Variants in RBM39 observed in about 807,000 individuals in gnomAD.
RBM39 encodes the protein RNA binding motif protein 39.
In RBM39, 12 loss-of-function variants were observed where a neutral mutation model predicts 79.6. The ratio of observed to expected loss-of-function variants is 0.15; its 90% CI spans 0.10 to 0.24. The LOEUF (loss-of-function observed/expected upper bound fraction) is 0.24. Among genes scored for constraint, RBM39 ranks in the 10% least tolerant of loss-of-function variants. RBM39 has a pLI of 1.00. For synonymous variants in RBM39, 185 were observed against 208.4 expected, an observed-to-expected ratio of 0.89 and a Z score of 0.97; for missense variants, 243 against 653.4, an observed-to-expected ratio of 0.37 and a Z score of 6.85.
At chr20:35,740,422 A>G in intron 2 of RBM39, 1 of 601,946 alleles carries the variant, frequency 1.7e-6, no homozygotes, top group Non-Finnish European at 2.7e-6. Context: ...TTCCCAAACC[A>G]CTACATTCAC....
At chr20:35,738,414 A>G (rs2040203812) in intron 3 of RBM39, among the ~76,000 whole-genome samples, 1 of 152,250 alleles carries the variant, frequency 6.6e-6, no homozygotes, top group Non-Finnish European at 1.5e-5. Context: ...CATAATTTCC[A>G]AAATCCCCAC....
In RBM39 at chr20:35,740,824, C is replaced by G; in HGVS notation, c.51G>C (p.Lys17Asn). Residue 17 changes from lysine (K) to asparagine (N), a missense_variant and splice_region_variant, in exon 2 of 17, where the codon AAG (lysine) becomes AAC (asparagine). By Grantham distance (94) the Lys-to-Asn change is moderately conservative (BLOSUM62 0). Around this residue, in one of 4 missense-constraint regions of RBM39, gnomAD observed 115 missense variants for 184.1 expected, o/e 0.62. Coordinates refer to ENST00000253363, the MANE Select transcript of RBM39 (RefSeq NM_184234.3). ...ACCTCACCGACATGTTTTTTCTCAC[C>G]TTCTTGTAAGGAGCCTCAAGCATTG... The part of the protein sequence containing the change: ...IEAMLEAPYK[K>N]DENKLSSANG... 1 of 1,610,298 alleles carries G rather than the reference C, an allele frequency of 6.2e-7. No homozygotes were observed. The highest frequency in any genetic ancestry group is 8.5e-7 in the Non-Finnish European group (1 of 1,178,130).
At chr20:35,740,650 G>T in intron 2 of RBM39, 174 bp downstream of exon 2, 1 of 1,339,828 alleles carries the variant, frequency 7.5e-7, no homozygotes, top group Non-Finnish European at 1.0e-6. Context: ...TGAAACTACT[G>T]CACAATATTA....
chr20:35,720,664 G>A (rs1313594338), intron 9 of RBM39, among the ~76,000 whole-genome samples: 4 of 151,896 alleles, frequency 2.6e-5, no homozygotes, highest in African/African-American at 4.8e-5. Context: ...CCAACTACTC[G>A]GAAGGCTAAA....
intron 11 of RBM39, chr20:35,713,959 G>T: frequency 5.9e-6 from 3 of 507,322 alleles, no homozygotes; most frequent in Non-Finnish European, 1.0e-5. Context: ...CTACATAAAG[G>T]AAAAGAAATC....
At chr20:35,720,900 A>C (rs1037817098) in intron 9 of RBM39, among the ~76,000 whole-genome samples, 1 of 152,208 alleles carries the variant, frequency 6.6e-6, no homozygotes, top group Non-Finnish European at 1.5e-5. Flanking sequence ...AAATCTAATC[A>C]GGCTACCAAG....
chr20:35,740,344 A>G (rs1236503594), intron 2 of RBM39: 3 of 326,536 alleles, frequency 9.2e-6, no homozygotes, highest in African/African-American at 4.4e-5. Flanking sequence ...ATTTCTTCTT[A>G]TAAGACTGTT....
In RBM39 at chr20:35,702,973, G is replaced by T. The variant is rs1057198027; in HGVS notation, c.*1508C>A. The T allele has an allele frequency of 1.3e-5, 2 of 152,010 alleles. No homozygotes were observed. Among genetic ancestry groups the T allele is most frequent in the Non-Finnish European group, 2.9e-5 (2 of 67,990 alleles). 9.4% of individuals were successfully genotyped at this position (152,010 alleles called of 1,614,324 possible). ...AATTAAATCACTAGAACAATTATTG[G>T]GATAAATGTCAAACAAAACGACTGA... On this transcript the variant is annotated 3_prime_UTR_variant, in exon 17 of 17. Coordinates refer to ENST00000253363, the MANE Select transcript of RBM39 (RefSeq NM_184234.3).
intron 12 of RBM39, among the ~76,000 whole-genome samples, chr20:35,710,070 G>C (rs1600397780): frequency 6.6e-6 from 1 of 152,166 alleles, no homozygotes; most frequent in Admixed American, 6.5e-5. Context: ...TGAAACAGTA[G>C]CAAGTCTGAA....
intron 3 of RBM39, among the ~76,000 whole-genome samples, chr20:35,735,954 T>G (rs1029574871): frequency 6.6e-6 from 1 of 152,134 alleles, no homozygotes; most frequent in Non-Finnish European, 1.5e-5. Context: ...GTAGCCTTAA[T>G]CAGCTTATAC....
Position 35,721,836 on chromosome 20 carries a change from T to C in RBM39, c.729A>G (p.Gln243=). ...GCCTCATAGGTCCAGCACTTCCCTT[T>C]TGTAAATTGTTTGCCATTGCTGCAG... The part of the protein sequence containing the change: ...NRAAAMANNL[Q]KGSAGPMRLY... The change falls in exon 9 of 17, where the codon CAA becomes CAG. Residue 243 remains glutamine (Q), a synonymous_variant. Coordinates refer to ENST00000253363, the MANE Select transcript of RBM39 (RefSeq NM_184234.3). The C allele has an allele frequency of 6.2e-7, 1 of 1,614,000 alleles. No individual in the cohort carries two copies. Among genetic ancestry groups the C allele is most frequent in the Non-Finnish European group, 8.5e-7 (1 of 1,179,878 alleles).
At position 35,740,698 on chromosome 20, in the gene RBM39, C is replaced by T. The variant is rs953413841; in HGVS notation, c.51+126G>A. ...CATATATTTACTTTTGTAAGTTACA[C>T]GTAATGCATCTCTGATAAGATAAAT... On this transcript the variant is annotated intron_variant, in intron 2 of 16. Transcript: ENST00000253363. The T allele has an allele frequency of 1.5e-5, 19 of 1,288,288 alleles. No individual in the cohort carries two copies. The Admixed American group carries it at 3.2e-4, about 22-fold the overall frequency. The allele number at this position is 1,288,288 out of a possible 1,614,324, so 79.8% of individuals were successfully genotyped here.
intron 9 of RBM39, among the ~76,000 whole-genome samples, chr20:35,718,473 C>T (rs1207139245): frequency 1.3e-5 from 2 of 151,894 alleles, no homozygotes; most frequent in African/African-American, 2.4e-5. Context: ...CTCAGGAGTT[C>T]GAGACCAGCC....
chr20:35,725,857 T>C (rs2038619348), intron 6 of RBM39, among the ~76,000 whole-genome samples: 2 of 151,582 alleles, frequency 1.3e-5, no homozygotes, highest in African/African-American at 4.8e-5. Flanking sequence ...AGAGATGTGG[T>C]TTCACCATGT....
chr20:35,707,819 A>G (rs183537813), intron 13 of RBM39: 147 of 436,474 alleles, frequency 3.4e-4, no homozygotes, highest in African/African-American at 2.8e-3. Flanking sequence ...ATATATGTGT[A>G]ATATCCACTA....
intron 3 of RBM39, 84 bp from the exon 4 acceptor site, chr20:35,732,219 T>C: frequency 8.1e-7 from 1 of 1,234,514 alleles, no homozygotes; most frequent in Non-Finnish European, 1.2e-6. Context: ...AATCATTTTT[T>C]CATCCTTTCA....
At chr20:35,740,953 C>T in intron 1 of RBM39, 66 bp from the exon 2 acceptor site, 1 of 1,125,776 alleles carries the variant, frequency 8.9e-7, no homozygotes, top group Non-Finnish European at 1.3e-6. Context: ...AAGTTTCACT[C>T]TTGTTGCCTA....
intron 9 of RBM39, among the ~76,000 whole-genome samples, chr20:35,717,351 G>A (rs1393440162): frequency 6.6e-6 from 1 of 150,838 alleles, no homozygotes. Flanking sequence ...ATGCACTGGG[G>A]AGCAGAGGGG....
Position 35,713,341 on chromosome 20 carries a change from G to C in RBM39, c.1097-245C>G, listed in dbSNP as rs150534344. The C allele has an allele frequency of 1.8e-3, 634 of 345,140 alleles. 1 individual carries two copies. The highest frequency in any genetic ancestry group is 2.9e-3 in the Non-Finnish European group (525 of 183,988). 21.4% of individuals were successfully genotyped at this position (345,140 alleles called of 1,614,324 possible). On this transcript the variant is annotated intron_variant, in intron 11 of 16. Coordinates refer to ENST00000253363, the MANE Select transcript of RBM39 (RefSeq NM_184234.3). ...TCTTTTTTTTTTGAGATGGAGTATCGCTCTTGTTGCACAGGCTCTTGTTGC... is the reference window on the plus strand; with the variant it reads ...TCTTTTTTTTTTGAGATGGAGTATCCCTCTTGTTGCACAGGCTCTTGTTGC...
Sources: gnomAD v4.1 joint callset for allele counts (sites outside exome capture counted in the v4.1 genomes callset) on GRCh38, gnomAD v4.1.1 for gene constraint, gnomAD v4.1.1 regional missense constraint, MANE v1.5 for transcripts, NCBI Gene and HGNC (gene_info 2026-07-23, HGNC 2026-07-21) for gene names.